Variants in C2CD5 observed in about 807,000 individuals in gnomAD.
C2CD5 encodes the protein C2 calcium dependent domain containing 5.
C2CD5 carries 109 observed loss-of-function variants against 130.3 expected under a neutral mutation model. The observed-to-expected ratio is 0.84, with a 90% CI of 0.72 to 0.98. The LOEUF (loss-of-function observed/expected upper bound fraction) is 0.98, where lower values mean the gene tolerates loss of function less well. C2CD5 is among the 50% of genes least tolerant of loss of function. The probability of loss-of-function intolerance (pLI) is 0.00; values close to 1 mark genes in which losing one functional copy is unlikely to be tolerated. For missense variants in C2CD5, 996 were observed against 1,261.8 expected, an observed-to-expected ratio of 0.79 and a Z score of 3.19; for synonymous variants, 454 against 429.2, an observed-to-expected ratio of 1.06 and a Z score of -0.71.
intron 8 of C2CD5, among the ~76,000 whole-genome samples, chr12:22,513,583 T>A (rs1265165834): frequency 2.0e-5 from 3 of 152,128 alleles, no homozygotes; most frequent in Non-Finnish European, 4.4e-5. Context: ...AGAGCCCTAC[T>A]GACCCCAGCT....
At chr12:22,527,323 T>C (rs1233879608) in intron 4 of C2CD5, among the ~76,000 whole-genome samples, 1 of 130,128 alleles carries the variant, frequency 7.7e-6, no homozygotes, top group Non-Finnish European at 1.6e-5. Context: ...TATACATATA[T>C]ATATATATTT....
chr12:22,499,462 T>A (rs1197253560), intron 10 of C2CD5, among the ~76,000 whole-genome samples: 1 of 152,202 alleles, frequency 6.6e-6, no homozygotes, highest in African/African-American at 2.4e-5. Flanking sequence ...CTCAGAGATC[T>A]GTTTTGAGGA....
chr12:22,531,018 T>C (rs1427565256), intron 3 of C2CD5, among the ~76,000 whole-genome samples: 5 of 152,142 alleles, frequency 3.3e-5, no homozygotes, highest in African/African-American at 1.2e-4. Context: ...TAACCATTTC[T>C]AGGTTATAGT....
intron 3 of C2CD5, among the ~76,000 whole-genome samples, chr12:22,531,163 T>C (rs536667963): frequency 1.3e-5 from 2 of 152,310 alleles, no homozygotes; most frequent in South Asian, 4.1e-4. Context: ...GACACATATA[T>C]TCCACACCTT....
At chr12:22,482,246 T>G (rs966116635) in intron 14 of C2CD5, among the ~76,000 whole-genome samples, 5 of 152,156 alleles carry the variant, frequency 3.3e-5, no homozygotes, top group African/African-American at 1.2e-4. Flanking sequence ...GCCCTAGTAC[T>G]GAGATGGAGG....
intron 9 of C2CD5, among the ~76,000 whole-genome samples, chr12:22,509,125 G>A (rs1948906925): frequency 6.6e-6 from 1 of 151,886 alleles, no homozygotes; most frequent in East Asian, 1.9e-4. Flanking sequence ...TGATCCACCC[G>A]CCTCGGCCTC....
At chr12:22,480,368 G>A (rs767063268) in intron 14 of C2CD5, among the ~76,000 whole-genome samples, 1 of 152,052 alleles carries the variant, frequency 6.6e-6, no homozygotes, top group Non-Finnish European at 1.5e-5. Context: ...ACACCTCGTC[G>A]GCACTCATCA....
In C2CD5 at chr12:22,482,691, T is replaced by C; in HGVS notation, c.1603A>G (p.Ser535Gly). ...AQAEANATAISNLLPFMEYEV... is the reference protein window; with the variant it reads ...AQAEANATAIGNLLPFMEYEV... ...TATTCCATAAATGGCAAGAGATTACTGATAGCTGTAGCATTTGCTTCTGCC... is the reference window on the plus strand; with the variant it reads ...TATTCCATAAATGGCAAGAGATTACCGATAGCTGTAGCATTTGCTTCTGCC... Residue 535 changes from serine (S) to glycine (G), a missense_variant, in exon 14 of 27, where the codon AGT becomes GGT. Around this residue, in one of 9 missense-constraint regions of C2CD5, gnomAD observed 590 missense variants for 631.4 expected, o/e 0.93. Coordinates refer to ENST00000446597, the MANE Select transcript of C2CD5 (RefSeq NM_001286176.2). 1 of 1,613,716 alleles carries C rather than the reference T, an allele frequency of 6.2e-7. No individual in the cohort carries two copies. Among genetic ancestry groups the C allele is most frequent in the East Asian group, 2.2e-5 (1 of 44,804 alleles).
intron 8 of C2CD5, among the ~76,000 whole-genome samples, chr12:22,515,807 T>C (rs937845929): frequency 2.0e-5 from 3 of 151,932 alleles, no homozygotes; most frequent in Non-Finnish European, 2.9e-5. Context: ...ACCCTAAGGG[T>C]CAAATACCCT....
intron 25 of C2CD5, among the ~76,000 whole-genome samples, chr12:22,455,290 C>T (rs1481698488): frequency 1.3e-5 from 2 of 152,120 alleles, no homozygotes; most frequent in Non-Finnish European, 2.9e-5. Flanking sequence ...ACAGTAGCTA[C>T]AGAGGATTAA....
intron 13 of C2CD5, 35 bp from the exon 14 acceptor site, chr12:22,482,778 T>C: frequency 6.7e-7 from 1 of 1,486,740 alleles, no homozygotes; most frequent in Non-Finnish European, 9.3e-7. Context: ...ACAGTATTCT[T>C]GGTACCACCT....
At chr12:22,497,915 C>CAT (rs1468994144) in intron 10 of C2CD5, among the ~76,000 whole-genome samples, 203 of 111,272 alleles carry the variant, frequency 1.8e-3, no homozygotes, top group African/African-American at 0.013. Flanking sequence ...CATACACACA[C>CAT]ACACACACAC....
At chr12:22,537,943 T>A (rs1275441282) in intron 2 of C2CD5, among the ~76,000 whole-genome samples, 1 of 151,864 alleles carries the variant, frequency 6.6e-6, no homozygotes, top group East Asian at 2.0e-4. Flanking sequence ...CCTGCAAGAC[T>A]ACTCGTCTTG....
At chr12:22,489,995 TGG>T in intron 12 of C2CD5, 126 bp downstream of exon 12, 1 of 600,330 alleles carries the variant, frequency 1.7e-6, no homozygotes, top group Non-Finnish European at 3.0e-6. Flanking sequence ...GTGAAGTGCT[TGG>T]TCCTGATTTC....
chr12:22,531,446 A>G (rs539924459), intron 3 of C2CD5, among the ~76,000 whole-genome samples: 2 of 152,354 alleles, frequency 1.3e-5, no homozygotes, highest in East Asian at 3.9e-4. Flanking sequence ...ATACAGACCA[A>G]TGGAATGGAG....
chr12:22,492,109 A>C (rs569555137), intron 11 of C2CD5, among the ~76,000 whole-genome samples: 1 of 152,306 alleles, frequency 6.6e-6, no homozygotes, highest in African/African-American at 2.4e-5. Flanking sequence ...TGGCTCTGTA[A>C]TGACCACATT....
rs1942896507 is a variant in C2CD5, at chr12:22,470,818, A to C, written c.2446+6T>G. ...AAACTGAACTTCCTATTCAGTAAAG[A>C]TTTACCTCTTTGCAATGACTTTTCA... On this transcript the variant is annotated splice_donor_region_variant and intron_variant, in intron 21 of 26. Transcript: ENST00000446597. The C allele has an allele frequency of 6.3e-7, 1 of 1,582,158 alleles. No individual in the cohort carries two copies. The highest frequency in any genetic ancestry group is 1.3e-5 in the African/African-American group (1 of 74,134).
In C2CD5 at chr12:22,526,169, G is replaced by A. The variant is rs371215376; in HGVS notation, c.350-464C>T. ...TTTCAGTAGTTTCTGTATATTTTCT[G>A]AAGCACAACACGTATGCATTAGAAT... On this transcript the variant is annotated intron_variant, in intron 4 of 26. Coordinates refer to ENST00000446597, the MANE Select transcript of C2CD5 (RefSeq NM_001286176.2). Among the ~76,000 whole-genome samples, 13 of 152,196 alleles carry A rather than the reference G, an allele frequency of 8.5e-5. No individual in the cohort carries two copies. In the South Asian group the frequency reaches 2.5e-3, roughly 29 times the overall value.
intron 22 of C2CD5, among the ~76,000 whole-genome samples, chr12:22,461,001 C>T (rs1488627461): frequency 6.6e-6 from 1 of 152,148 alleles, no homozygotes; most frequent in East Asian, 1.9e-4. Context: ...TGTGGACATG[C>T]CCTGACCATC....
Sources: gnomAD v4.1 joint callset for allele counts (sites outside exome capture counted in the v4.1 genomes callset) on GRCh38, gnomAD v4.1.1 for gene constraint, gnomAD v4.1.1 regional missense constraint, MANE v1.5 for transcripts, NCBI Gene and HGNC (gene_info 2026-07-23, HGNC 2026-07-21) for gene names.